The following NKIRAS1 variants were observed in gnomAD, a reference collection of about 807,000 sequenced individuals.
NKIRAS1 encodes the protein NFKB inhibitor interacting Ras like 1.
NKIRAS1 carries 16 observed loss-of-function variants against 19.8 expected under a neutral mutation model. That is an observed-to-expected ratio of 0.81 (90% CI 0.55 to 1.23). The LOEUF (loss-of-function observed/expected upper bound fraction) is 1.23, where lower values mean the gene tolerates loss of function less well. Among genes scored for constraint, NKIRAS1 ranks in the 50% most tolerant of loss-of-function variants. NKIRAS1 has a pLI of 0.00. For missense variants in NKIRAS1, 184 were observed against 220.0 expected (o/e 0.84, Z 1.04); for synonymous variants, 88 against 79.0 (o/e 1.11, Z -0.61).
intron 1 of NKIRAS1, among the ~76,000 whole-genome samples, chr3:23,932,877 C>T (rs972901710): frequency 3.3e-5 from 5 of 152,050 alleles, no homozygotes; most frequent in African/African-American, 1.2e-4. Context: ...AATAGAATCA[C>T]TCCATATGTA....
upstream of NKIRAS1, chr3:23,920,040 A>G (rs1450770758): frequency 4.2e-5 from 41 of 986,166 alleles, no homozygotes; most frequent in Non-Finnish European, 4.8e-5. Flanking sequence ...GCTTCATGGC[A>G]TTCAGTGATT....
intron 1 of NKIRAS1, among the ~76,000 whole-genome samples, chr3:23,943,703 C>T (rs1265668351): frequency 6.6e-6 from 1 of 152,196 alleles, no homozygotes; most frequent in African/African-American, 2.4e-5. Flanking sequence ...AAGCAAGCTA[C>T]AAAGCGTGGC....
chr3:23,946,392 G>T, exon 1 of NKIRAS1: 1 of 729,786 alleles, frequency 1.4e-6, no homozygotes, highest in South Asian at 6.1e-5. Context: ...CTCGGGGAAG[G>T]CGTGGGGCTT....
In NKIRAS1 at chr3:23,892,861, T is replaced by C. The variant is rs1414705684; in HGVS notation, c.*234A>G. ...AACATAAATAACAAAGGTGCTAATT[T>C]CAAAGACAGGTTTCAAACAATGAGA... On this transcript the variant is annotated 3_prime_UTR_variant, in exon 5 of 5. Coordinates refer to ENST00000425478, the MANE Select transcript of NKIRAS1 (RefSeq NM_020345.4). The C allele has an allele frequency of 3.1e-6, 1 of 319,318 alleles. No homozygotes were observed. The highest frequency in any genetic ancestry group is 5.6e-6 in the Non-Finnish European group (1 of 177,492). 19.8% of individuals were successfully genotyped at this position (319,318 alleles called of 1,614,324 possible).
chr3:23,897,477 C>A (rs1575066591), intron 4 of NKIRAS1, among the ~76,000 whole-genome samples: 1 of 152,284 alleles, frequency 6.6e-6, no homozygotes, highest in East Asian at 1.9e-4. Context: ...ATAAATGCAA[C>A]TTAAGCCATA....
At chr3:23,943,241 C>T (rs962263465) in intron 1 of NKIRAS1, among the ~76,000 whole-genome samples, 2 of 152,096 alleles carry the variant, frequency 1.3e-5, no homozygotes, top group African/African-American at 4.8e-5. Context: ...GCCTTTTCTT[C>T]CTTTTTTTGA....
rs192223837 is a variant in NKIRAS1 at position 23,946,225 on chromosome 3, C to A, written c.-140+98G>T. 4 of 985,496 alleles carry A rather than the reference C, an allele frequency of 4.1e-6. No homozygotes were observed. The South Asian group carries it at 1.4e-4, about 35-fold the overall frequency. 61.0% of individuals were successfully genotyped at this position (985,496 alleles called of 1,614,324 possible). ...CGAAGCGGGCGCTGACACCGCAGTG[C>A]ACCGGACGCCGCACGCTCTTTTCGC... On this transcript the variant is annotated intron_variant, in intron 1 of 4. Coordinates refer to the NKIRAS1 transcript ENST00000421515.
At chr3:23,933,723 G>T (rs1160843902) in intron 1 of NKIRAS1, among the ~76,000 whole-genome samples, 3 of 152,108 alleles carry the variant, frequency 2.0e-5, no homozygotes, top group African/African-American at 7.2e-5. Flanking sequence ...GTAAAAATTG[G>T]TTTTTGAGGG....
chr3:23,936,430 C>T (rs1415137847), intron 1 of NKIRAS1, among the ~76,000 whole-genome samples: 1 of 152,192 alleles, frequency 6.6e-6, no homozygotes, highest in Non-Finnish European at 1.5e-5. Context: ...CTGATGCTCT[C>T]CCAAACTTGA....
At chr3:23,945,126 G>A (rs1326398170) in intron 1 of NKIRAS1, 1 of 151,462 alleles carries the variant, frequency 6.6e-6, no homozygotes, top group Non-Finnish European at 1.5e-5. Flanking sequence ...GGAGAAGGAA[G>A]GGGAGAAGGG....
At chr3:23,946,389 AAGGCGTGGGGCTTTC>A in exon 1 of NKIRAS1, 1 of 760,014 alleles carries the variant, frequency 1.3e-6, no homozygotes, top group Non-Finnish European at 1.6e-6. Flanking sequence ...CGCCTCGGGG[AAGGCGTGGGGCTTTC>A]CCGAAGGGAT....
chr3:23,929,876 A>G (rs1374000993), intron 1 of NKIRAS1, among the ~76,000 whole-genome samples: 1 of 152,180 alleles, frequency 6.6e-6, no homozygotes, highest in African/African-American at 2.4e-5. Context: ...CCTGAATCCC[A>G]TTACTCAGAG....
At chr3:23,903,893 G>A (rs1401067525) in intron 3 of NKIRAS1, among the ~76,000 whole-genome samples, 8 of 152,106 alleles carry the variant, frequency 5.3e-5, no homozygotes, top group Admixed American at 2.0e-4. Context: ...GGCCAGGCTC[G>A]GGGGCTCACA....
chr3:23,895,873 C>T (rs576628459), intron 4 of NKIRAS1, among the ~76,000 whole-genome samples: 1 of 152,096 alleles, frequency 6.6e-6, no homozygotes, highest in Non-Finnish European at 1.5e-5. Context: ...CGGTGACTCA[C>T]ACCTGTAATC....
chr3:23,921,653 C>T (rs745489384), upstream of NKIRAS1: 418 of 653,316 alleles, frequency 6.4e-4, no homozygotes, highest in Non-Finnish European at 6.6e-4. Flanking sequence ...CGGCTCACTG[C>T]AACCTCTGTC....
chr3:23,939,230 CA>C (rs1338629190), intron 1 of NKIRAS1, among the ~76,000 whole-genome samples: 4 of 151,898 alleles, frequency 2.6e-5, no homozygotes, highest in African/African-American at 9.7e-5. Flanking sequence ...GCTAATTGAA[CA>C]AATGTATACG....
At chr3:23,900,545 G>C (rs1259117907) in intron 4 of NKIRAS1, among the ~76,000 whole-genome samples, 1 of 149,850 alleles carries the variant, frequency 6.7e-6, no homozygotes, top group South Asian at 2.1e-4. Flanking sequence ...TGAGGCAGGA[G>C]AATCGCTTGT....
chr3:23,918,632 A>AC, upstream of NKIRAS1: 2 of 1,575,646 alleles, frequency 1.3e-6, no homozygotes, highest in Non-Finnish European at 8.6e-7. Context: ...GGTGGGAGAG[A>AC]GAGATTAAGC....
rs115381639 is a variant in NKIRAS1, at chr3:23,939,142, C to T, written c.-140+7181G>A. On this transcript the variant is annotated intron_variant, in intron 1 of 4. Transcript: ENST00000421515. The stretch of plus-strand genomic sequence containing the variant: ...AATGCAGTAGTTGACTGGAATGTTC[C>T]CTAAAATTGGTGAGAATGATTGAAA... Among the ~76,000 whole-genome samples the T allele has an allele frequency of 8.2e-3, 1,241 of 152,154 alleles. 14 individuals are homozygous for T. The highest frequency in any genetic ancestry group is 0.028 in the African/African-American group (1,170 of 41,482).
Sources: gnomAD v4.1 joint callset for allele counts (sites outside exome capture counted in the v4.1 genomes callset) on GRCh38, gnomAD v4.1.1 for gene constraint, MANE v1.5 for transcripts, NCBI Gene and HGNC (gene_info 2026-07-23, HGNC 2026-07-21) for gene names.